The following PSMD1 variants were observed in gnomAD, a reference collection of about 807,000 sequenced individuals.
PSMD1 encodes the protein proteasome 26S subunit, non-ATPase 1.
A neutral mutation model predicts 119.0 loss-of-function variants in PSMD1; 18 were observed. The ratio of observed to expected loss-of-function variants is 0.15; its 90% CI spans 0.10 to 0.22. The LOEUF (loss-of-function observed/expected upper bound fraction) is 0.22. Among genes scored for constraint, PSMD1 ranks in the 10% least tolerant of loss-of-function variants. The pLI is 1.00. For missense variants in PSMD1, 702 were observed against 1,158.5 expected (o/e 0.61, Z 5.72); for synonymous variants, 374 against 396.6 (o/e 0.94, Z 0.68).
chr2:231,109,245 T>C, intron 16 of PSMD1: 1 of 1,613,976 alleles, frequency 6.2e-7, no homozygotes, highest in Non-Finnish European at 8.5e-7. Context: ...GCATGGATAG[T>C]GAGAAAGTAG....
chr2:231,093,757 ATATTCC>A (rs1694656793), intron 16 of PSMD1, among the ~76,000 whole-genome samples: 1 of 152,136 alleles, frequency 6.6e-6, no homozygotes, highest in Non-Finnish European at 1.5e-5. Flanking sequence ...GTTCTTACCC[ATATTCC>A]CCCTTTTTTG....
chr2:231,109,781 C>T (rs1389809641), intron 16 of PSMD1, among the ~76,000 whole-genome samples: 4 of 152,168 alleles, frequency 2.6e-5, no homozygotes, highest in African/African-American at 7.2e-5. Context: ...CTGCTTTTTT[C>T]TTATTATCCA....
chr2:231,089,253 G>T (rs1198733757), intron 16 of PSMD1, among the ~76,000 whole-genome samples: 1 of 152,190 alleles, frequency 6.6e-6, no homozygotes, highest in African/African-American at 2.4e-5. Context: ...TTACCCAGAA[G>T]ATCTAGCTAA....
At chr2:231,133,793 G>GT (rs979463715) in intron 16 of PSMD1, among the ~76,000 whole-genome samples, 1 of 152,186 alleles carries the variant, frequency 6.6e-6, no homozygotes, top group African/African-American at 2.4e-5. Context: ...GTGATTTAAT[G>GT]TTGAGGTTGC....
chr2:231,098,481 G>A (rs532449998), intron 16 of PSMD1, among the ~76,000 whole-genome samples: 1 of 144,972 alleles, frequency 6.9e-6, no homozygotes, highest in Non-Finnish European at 1.5e-5. Context: ...CTCTCTCTCT[G>A]TCTCTATCTC....
chr2:231,105,568 C>A (rs1694955025), intron 16 of PSMD1, among the ~76,000 whole-genome samples: 1 of 151,942 alleles, frequency 6.6e-6, no homozygotes, highest in Non-Finnish European at 1.5e-5. Context: ...ATCAGACAGT[C>A]TTGGTGGTCC....
intron 16 of PSMD1, among the ~76,000 whole-genome samples, chr2:231,089,072 C>T (rs1357559198): frequency 1.3e-5 from 2 of 152,156 alleles, no homozygotes; most frequent in Non-Finnish European, 2.9e-5. Flanking sequence ...CAATACAGAG[C>T]AAGACGTTAA....
At chr2:231,167,338 G>A (rs926467809) in intron 23 of PSMD1, among the ~76,000 whole-genome samples, 4 of 152,172 alleles carry the variant, frequency 2.6e-5, no homozygotes, top group African/African-American at 7.2e-5. Flanking sequence ...CTCTAAGCAC[G>A]TGAAATAACT....
At chr2:231,122,663 T>C (rs949591849) in intron 16 of PSMD1, among the ~76,000 whole-genome samples, 6 of 152,154 alleles carry the variant, frequency 3.9e-5, no homozygotes, top group Non-Finnish European at 1.5e-5. Context: ...GAACTACTTA[T>C]ATCTTTTTTT....
chr2:231,104,204 CTG>C (rs771475598), intron 16 of PSMD1, among the ~76,000 whole-genome samples: 1 of 152,090 alleles, frequency 6.6e-6, no homozygotes, highest in Non-Finnish European at 1.5e-5. Context: ...TCATTTAAAA[CTG>C]TTTTTCTTCC....
At chr2:231,074,899 G>T (rs1433086967) in intron 7 of PSMD1, among the ~76,000 whole-genome samples, 1 of 152,114 alleles carries the variant, frequency 6.6e-6, no homozygotes, top group African/African-American at 2.4e-5. Context: ...TGCGATCATA[G>T]CTCACTGCAA....
At chr2:231,130,073 A>C (rs1055951216) in intron 16 of PSMD1, among the ~76,000 whole-genome samples, 1 of 152,086 alleles carries the variant, frequency 6.6e-6, no homozygotes, top group Non-Finnish European at 1.5e-5. Flanking sequence ...GGCTGGTCTC[A>C]AACTCCTGAC....
chr2:231,153,840 G>A (rs912042205), intron 19 of PSMD1, among the ~76,000 whole-genome samples, 174 bp downstream of exon 19: 13 of 152,284 alleles, frequency 8.5e-5, no homozygotes, highest in African/African-American at 2.4e-4. Context: ...CAGGCCGGGC[G>A]CAATGGTTCA....
At chr2:231,141,050 G>A (rs1331243889) in intron 17 of PSMD1, among the ~76,000 whole-genome samples, 1 of 152,164 alleles carries the variant, frequency 6.6e-6, no homozygotes, top group African/African-American at 2.4e-5. Flanking sequence ...GCTCACACCT[G>A]TAATCCCAGC....
At chr2:231,098,629 TC>T (rs1338448645) in intron 16 of PSMD1, among the ~76,000 whole-genome samples, 2 of 151,978 alleles carry the variant, frequency 1.3e-5, no homozygotes, top group Admixed American at 1.3e-4. Context: ...GCTGCTGTTC[TC>T]CCCTCTCCTT....
intron 16 of PSMD1, among the ~76,000 whole-genome samples, chr2:231,126,501 A>G (rs890129748): frequency 6.6e-6 from 1 of 152,166 alleles, no homozygotes; most frequent in Non-Finnish European, 1.5e-5. Flanking sequence ...TGTGAGTTAC[A>G]CTTTGACATC....
chr2:231,130,343 T>C (rs1041126361), intron 16 of PSMD1, among the ~76,000 whole-genome samples: 8 of 152,244 alleles, frequency 5.3e-5, no homozygotes, highest in Non-Finnish European at 7.3e-5. Flanking sequence ...TAACACATTC[T>C]ATGCTAATAA....
At chr2:231,137,464 G>A (rs765101222) in intron 16 of PSMD1, among the ~76,000 whole-genome samples, 8 of 152,090 alleles carry the variant, frequency 5.3e-5, no homozygotes, top group East Asian at 1.9e-4. Flanking sequence ...AATGTTTGGC[G>A]ATGGTGAAAA....
At chr2:231,123,586 A>G (rs1695628868) in intron 16 of PSMD1, 1 of 1,614,144 alleles carries the variant, frequency 6.2e-7, no homozygotes, top group South Asian at 1.1e-5. Flanking sequence ...CATGAGTATC[A>G]GAAGAGCTGC....
Sources: gnomAD v4.1 joint callset for allele counts (sites outside exome capture counted in the v4.1 genomes callset) on GRCh38, gnomAD v4.1.1 for gene constraint, MANE v1.5 for transcripts, NCBI Gene and HGNC (gene_info 2026-07-23, HGNC 2026-07-21) for gene names.